Variants in GLRA3 observed in about 807,000 individuals in gnomAD.
GLRA3 encodes glycine receptor subunit alpha-3.
In GLRA3, 44 loss-of-function variants were observed where a neutral mutation model predicts 60.4. The ratio of observed to expected loss-of-function variants is 0.73; its 90% CI spans 0.57 to 0.94. The LOEUF (loss-of-function observed/expected upper bound fraction) is 0.94, where lower values mean the gene tolerates loss of function less well. Ranked by LOEUF, GLRA3 falls within the 40% of genes least tolerant of loss-of-function variation. GLRA3 has a pLI of 0.00. For missense variants in GLRA3, 508 were observed against 564.6 expected, an observed-to-expected ratio of 0.90 and a Z score of 1.02; for synonymous variants, 223 against 192.9, an observed-to-expected ratio of 1.16 and a Z score of -1.29.
At chr4:174,742,841 A>AG (rs1737078756) in intron 3 of GLRA3, among the ~76,000 whole-genome samples, 1 of 152,168 alleles carries the variant, frequency 6.6e-6, no homozygotes, top group South Asian at 2.1e-4. Context: ...CTATGTCCCT[A>AG]GGAGCAGAGT....
rs555386484 is a variant in GLRA3 at position 174,651,316 on chromosome 4, G to T, written c.1116+5427C>A. ...AGATGAGATGACAAGGACATGGAAAGTCTGCATAGCCTTAATTTAGCTACT... is the reference window on the plus strand; with the variant it reads ...AGATGAGATGACAAGGACATGGAAATTCTGCATAGCCTTAATTTAGCTACT... On this transcript the variant is annotated intron_variant, in intron 9 of 9. Coordinates refer to ENST00000274093, the MANE Select transcript of GLRA3 (RefSeq NM_006529.4). Among the ~76,000 whole-genome samples, 119 of 152,276 alleles carry T rather than the reference G, an allele frequency of 7.8e-4. 1 individual carries two copies. Among genetic ancestry groups the T allele is most frequent in the African/African-American group, 2.6e-3 (106 of 41,562 alleles).
At chr4:174,669,116 A>G (rs1477135510) in intron 7 of GLRA3, among the ~76,000 whole-genome samples, 1 of 151,976 alleles carries the variant, frequency 6.6e-6, no homozygotes. Context: ...TATTCATTTA[A>G]TCATTCATTT....
At position 174,642,704 on chromosome 4, in the gene GLRA3, A is replaced by C. The variant is rs756368446; in HGVS notation, c.*1082T>G. On this transcript the variant is annotated 3_prime_UTR_variant, in exon 10 of 10. Coordinates refer to ENST00000274093, the MANE Select transcript of GLRA3 (RefSeq NM_006529.4). ...AAAGAGTCCTCACTTTATAGAAATG[A>C]CTTACTTATATCATTTAAAATTAAA... The C allele has an allele frequency of 2.8e-6, 2 of 726,866 alleles. No individual in the cohort carries two copies. Among genetic ancestry groups the C allele is most frequent in the Non-Finnish European group, 3.4e-6 (2 of 594,278 alleles). 45.0% of individuals were successfully genotyped at this position (726,866 alleles called of 1,614,324 possible). A position where few individuals can be genotyped will look rare whatever the true frequency, so the allele number is the denominator to read the frequency against.
chr4:174,694,106 C>A (rs1261621360), intron 5 of GLRA3, among the ~76,000 whole-genome samples: 1 of 152,082 alleles, frequency 6.6e-6, no homozygotes, highest in Non-Finnish European at 1.5e-5. Context: ...TAGAGACCTA[C>A]AAAGAGAAAC....
At chr4:174,793,533 A>G (rs541185423) in intron 1 of GLRA3, among the ~76,000 whole-genome samples, 1 of 151,704 alleles carries the variant, frequency 6.6e-6, no homozygotes, top group Non-Finnish European at 1.5e-5. Context: ...GCTCCCCGCA[A>G]CGTTGAACTT....
intron 9 of GLRA3, among the ~76,000 whole-genome samples, chr4:174,649,443 G>C (rs990130765): frequency 3.3e-5 from 5 of 152,174 alleles, no homozygotes; most frequent in Admixed American, 1.3e-4. Context: ...GGCATCTCTG[G>C]CTTGAGCCTA....
At chr4:174,670,827 G>T (rs1396743041) in intron 7 of GLRA3, among the ~76,000 whole-genome samples, 1 of 152,012 alleles carries the variant, frequency 6.6e-6, no homozygotes, top group Non-Finnish European at 1.5e-5. Context: ...TGTAGAACTA[G>T]AGATATCCAT....
At chr4:174,734,382 A>G (rs1229738733) in intron 3 of GLRA3, among the ~76,000 whole-genome samples, 1 of 152,192 alleles carries the variant, frequency 6.6e-6, no homozygotes, top group Non-Finnish European at 1.5e-5. Context: ...ATCTGCTCTA[A>G]GAACCCCGCC....
intron 3 of GLRA3, among the ~76,000 whole-genome samples, chr4:174,744,805 G>T (rs1327949266): frequency 6.6e-6 from 1 of 151,948 alleles, no homozygotes; most frequent in Non-Finnish European, 1.5e-5. Flanking sequence ...GATCCCAACT[G>T]CAAAGAAATT....
chr4:174,775,663 G>A (rs560116391), intron 2 of GLRA3, among the ~76,000 whole-genome samples: 3 of 152,256 alleles, frequency 2.0e-5, no homozygotes, highest in African/African-American at 4.8e-5. Context: ...TCCAGCAGTG[G>A]TGGGTAAAAT....
intron 3 of GLRA3, among the ~76,000 whole-genome samples, chr4:174,761,628 C>T (rs773200302): frequency 3.9e-5 from 6 of 152,138 alleles, no homozygotes; most frequent in Non-Finnish European, 7.3e-5. Context: ...AACTTTCTAA[C>T]ATATGTGTAA....
In GLRA3 at chr4:174,677,303, G is replaced by A. The variant is rs79980656; in HGVS notation, c.713-11C>T. 738 of 1,517,610 alleles carry A rather than the reference G, an allele frequency of 4.9e-4. 2 individuals are homozygous for A. In the African/African-American group the frequency reaches 8.6e-3, roughly 18 times the overall value. The allele number at this position is 1,517,610 out of a possible 1,614,324, so 94.0% of individuals were successfully genotyped here. ...TACACGTAAACTTTCCTAATTGGTG[G>A]TAAGGTAAATACAGCAATTAGTACA... On this transcript the variant is annotated splice_polypyrimidine_tract_variant and intron_variant, in intron 6 of 9. Transcript: ENST00000274093.
intron 3 of GLRA3, among the ~76,000 whole-genome samples, chr4:174,760,773 A>G (rs1475830875): frequency 2.0e-5 from 3 of 152,114 alleles, no homozygotes; most frequent in South Asian, 2.1e-4. Context: ...GCCCTATGCA[A>G]TGATTTTCAA....
At chr4:174,821,219 G>C (rs1340113105) in intron 1 of GLRA3, among the ~76,000 whole-genome samples, 2 of 152,124 alleles carry the variant, frequency 1.3e-5, no homozygotes, top group African/African-American at 4.8e-5. Flanking sequence ...GTGTCATGGA[G>C]AAAGTCCAGT....
intron 1 of GLRA3, among the ~76,000 whole-genome samples, chr4:174,817,292 C>G (rs984031498): frequency 1.3e-5 from 2 of 152,162 alleles, no homozygotes; most frequent in Non-Finnish European, 2.9e-5. Flanking sequence ...TCTTCGATCT[C>G]AAAGAAGCAA....
chr4:174,704,214 G>C (rs959200907), intron 5 of GLRA3, among the ~76,000 whole-genome samples: 2 of 143,420 alleles, frequency 1.4e-5, no homozygotes, highest in African/African-American at 5.0e-5. Flanking sequence ...AGGATCGCTT[G>C]AGCCTGGAGG....
intron 5 of GLRA3, among the ~76,000 whole-genome samples, chr4:174,706,152 CCCGGG>C (rs1408689889): frequency 6.6e-6 from 1 of 151,966 alleles, no homozygotes; most frequent in Non-Finnish European, 1.5e-5. Context: ...ATGGCGTGAA[CCCGGG>C]AGGCAGAGCT....
chr4:174,778,163 G>T (rs918292614), intron 2 of GLRA3, among the ~76,000 whole-genome samples: 20 of 152,216 alleles, frequency 1.3e-4, no homozygotes, highest in Middle Eastern at 3.4e-3. Context: ...TGAGCGCCAA[G>T]GCCTGTGGTC....
intron 4 of GLRA3, among the ~76,000 whole-genome samples, chr4:174,724,136 G>T (rs1262029075): frequency 2.6e-5 from 4 of 151,302 alleles, no homozygotes; most frequent in African/African-American, 9.7e-5. Flanking sequence ...AATATATCAT[G>T]TAGGCTTACA....
Sources: gnomAD v4.1 joint callset for allele counts (sites outside exome capture counted in the v4.1 genomes callset) on GRCh38, gnomAD v4.1.1 for gene constraint, MANE v1.5 for transcripts, NCBI Gene and HGNC (gene_info 2026-07-23, HGNC 2026-07-21) for gene names.